The following GRIPAP1 variants were observed in gnomAD, a reference collection of about 807,000 sequenced individuals.
GRIPAP1 encodes GRIP1 associated protein 1.
GRIPAP1 carries 14 observed loss-of-function variants against 84.1 expected under a neutral mutation model. The ratio of observed to expected loss-of-function variants is 0.17; its 90% CI spans 0.11 to 0.26. The LOEUF is 0.26. Ranked by LOEUF, GRIPAP1 falls within the 10% of genes least tolerant of loss-of-function variation. The pLI is 1.00. For missense variants in GRIPAP1, 518 were observed against 674.2 expected, an observed-to-expected ratio of 0.77 and a Z score of 2.57; for synonymous variants, 261 against 256.8, an observed-to-expected ratio of 1.02 and a Z score of -0.15.
chrX:48,983,204 G>A, intron 16 of GRIPAP1, 24 bp downstream of exon 16: 3 of 1,183,384 alleles, frequency 2.5e-6, no homozygotes, highest in Non-Finnish European at 3.5e-6. Flanking sequence ...AGAGGAAGAA[G>A]GGCATCATCA....
At chrX:48,995,205 G>C (rs1270856984) in intron 5 of GRIPAP1, among the ~76,000 whole-genome samples, 1 of 112,041 alleles carries the variant, frequency 8.9e-6, no homozygotes, top group Non-Finnish European at 1.9e-5. Flanking sequence ...GAGGAGGAAG[G>C]GGACTATGTA....
At chrX:48,993,960 A>G (rs1190916750) in intron 5 of GRIPAP1, among the ~76,000 whole-genome samples, 1 of 110,880 alleles carries the variant, frequency 9.0e-6, no homozygotes, top group Non-Finnish European at 1.9e-5. Context: ...GGGCCCAGAG[A>G]TAGCTCCCTC....
chrX:48,976,467 G>A, intron 22 of GRIPAP1, 104 bp from the exon 23 acceptor site: 1 of 962,861 alleles, frequency 1.0e-6, no homozygotes, highest in South Asian at 2.5e-5. Flanking sequence ...GTGGGTGAGA[G>A]AACATGGGCC....
Position 48,984,791 on chromosome X carries a change from G to A in GRIPAP1, c.1176+477C>T, listed in dbSNP as rs781792101. On this transcript the variant is annotated intron_variant, in intron 14 of 25. Transcript: ENST00000376423. ...TAATACCAGCACTTCGGGAGGCCGAGGCGGGCAGATCACGAGGTCAGGAGA... is the reference window on the plus strand; with the variant it reads ...TAATACCAGCACTTCGGGAGGCCGAAGCGGGCAGATCACGAGGTCAGGAGA... Among the ~76,000 whole-genome samples, 35 of 105,448 alleles carry A rather than the reference G, an allele frequency of 3.3e-4. No homozygotes were observed. In the South Asian group the frequency reaches 6.4e-3, roughly 19 times the overall value. The allele number at this position is 105,448 out of a possible 115,157, so 91.6% of individuals were successfully genotyped here.
Position 48,994,520 on chromosome X carries a change from G to A in GRIPAP1, c.307-942C>T, listed in dbSNP as rs782033363. Among the ~76,000 whole-genome samples, 12 of 111,369 alleles carry A rather than the reference G, an allele frequency of 1.1e-4. No homozygotes were observed. In the East Asian group the frequency reaches 3.1e-3, roughly 29 times the overall value. ...ATTACAGGCATGAGCCACCGCACCC[G>A]GCCTGCTTGCAATATTTTCTACCCA... On this transcript the variant is annotated intron_variant, in intron 5 of 25. Transcript: ENST00000376423.
chrX:49,002,205 C>T lies in GRIPAP1; in HGVS notation c.25G>A (p.Glu9Lys). MAQALSEE[E>K]FQRMQAQLLE... ...AGCGGCACCTGCATCCGCTGAAACTCCTCCTCAGACAGAGCTTGCGCCATG... is the reference window on the plus strand; with the variant it reads ...AGCGGCACCTGCATCCGCTGAAACTTCTCCTCAGACAGAGCTTGCGCCATG... The change falls in exon 1 of 26, where the codon GAG (glutamate) becomes AAG (lysine). Residue 9 changes from glutamate to lysine, a missense_variant. Around this residue, in one of 5 missense-constraint regions of GRIPAP1, gnomAD observed 372 missense variants for 458.1 expected, o/e 0.81. Transcript: ENST00000376423. 5 of 1,177,048 alleles carry T rather than the reference C, an allele frequency of 4.2e-6. No individual in the cohort carries two copies. The highest frequency in any genetic ancestry group is 4.6e-6 in the Non-Finnish European group (4 of 868,029).
chrX:48,991,365 GA>G, intron 6 of GRIPAP1: 1 of 342,543 alleles, frequency 2.9e-6, no homozygotes, highest in Non-Finnish European at 5.1e-6. Context: ...CTGCAACCTT[GA>G]CCTCCTGGGC....
intron 5 of GRIPAP1, among the ~76,000 whole-genome samples, chrX:48,994,982 C>T (rs1486309011): frequency 8.9e-6 from 1 of 112,159 alleles, no homozygotes; most frequent in South Asian, 3.7e-4. Context: ...TATCATCTTT[C>T]TCCTCATCCC....
intron 11 of GRIPAP1, 150 bp downstream of exon 11, chrX:48,989,461 T>C (rs909305780): frequency 2.3e-5 from 10 of 438,971 alleles, no homozygotes; most frequent in African/African-American, 5.0e-5. Flanking sequence ...GCTCTCCAAT[T>C]CCCATTTTCC....
At chrX:48,985,150 G>A in intron 14 of GRIPAP1, 118 bp downstream of exon 14, 2 of 542,809 alleles carry the variant, frequency 3.7e-6, no homozygotes, top group Non-Finnish European at 6.0e-6. Flanking sequence ...ATAAGTTAGG[G>A]AGCCAGACTG....
chrX:48,999,899 A>C (rs981201729), intron 1 of GRIPAP1, among the ~76,000 whole-genome samples: 1 of 111,042 alleles, frequency 9.0e-6, no homozygotes, highest in Admixed American at 9.6e-5. Flanking sequence ...GGTGTTGTCC[A>C]TATTTCTGAC....
chrX:48,989,829 A>T lies in GRIPAP1; in HGVS notation c.770+6T>A. The T allele has an allele frequency of 1.7e-6, 2 of 1,206,464 alleles. No individual in the cohort carries two copies. Among genetic ancestry groups the T allele is most frequent in the Non-Finnish European group, 2.2e-6 (2 of 890,715 alleles). On this transcript the variant is annotated splice_donor_region_variant and intron_variant, in intron 10 of 25. Transcript: ENST00000376423. ...GTCCACCAATACCCGCAAATCTGGC[A>T]GTTACCTGCTGTCATTAAACAGAGT...
intron 25 of GRIPAP1, 77 bp from the exon 26 acceptor site, chrX:48,974,362 G>T: frequency 1.6e-6 from 1 of 606,908 alleles, no homozygotes; most frequent in Non-Finnish European, 2.8e-6. Flanking sequence ...TATCATCTGT[G>T]ATTTCCCTCA....
rs374710087 is a variant in GRIPAP1, at chrX:49,002,241, C to G, written c.-12G>C. The G allele has an allele frequency of 3.1e-5, 34 of 1,106,329 alleles. No individual in the cohort carries two copies. The highest frequency in any genetic ancestry group is 3.8e-5 in the Non-Finnish European group (31 of 810,747). The allele number at this position is 1,106,329 out of a possible 1,213,427, so 91.2% of individuals were successfully genotyped here. ...AGAGCTTGCGCCATGTTCCTCCCCC[C>G]ACCCCCCCGCCAGCTTTCTGCGCAG... On this transcript the variant is annotated 5_prime_UTR_variant, in exon 1 of 26. Coordinates refer to ENST00000376423, the MANE Select transcript of GRIPAP1 (RefSeq NM_020137.5).
chrX:48,979,194 G>C (rs1232199350), intron 21 of GRIPAP1, among the ~76,000 whole-genome samples: 1 of 110,147 alleles, frequency 9.1e-6, no homozygotes, highest in Admixed American at 9.7e-5. Context: ...GAGAAAAAAA[G>C]ATGCCGGGCG....
intron 6 of GRIPAP1, among the ~76,000 whole-genome samples, 172 bp downstream of exon 6, chrX:48,993,256 G>A (rs1401037743): frequency 8.8e-6 from 1 of 113,107 alleles, no homozygotes; most frequent in East Asian, 2.8e-4. Context: ...TACATGCACT[G>A]TGTAGATGAT....
At chrX:48,975,832 AAG>A (rs2064419160) in intron 24 of GRIPAP1, 184 bp downstream of exon 24, 1 of 436,647 alleles carries the variant, frequency 2.3e-6, no homozygotes. Context: ...ATGACAGAGA[AAG>A]AGAGAAGAGG....
rs1249391952 is a variant in GRIPAP1, at chrX:48,981,941, G to A, written c.1600-69C>T. On this transcript the variant is annotated intron_variant, in intron 17 of 25. Transcript: ENST00000376423. The stretch of plus-strand genomic sequence containing the variant: ...ATCATGCCCAGTTAGGGGTATGAGG[G>A]ACTGCAATGGGGGCCCAGAGGTATG... 4 of 742,971 alleles carry A rather than the reference G, an allele frequency of 5.4e-6. No individual in the cohort carries two copies. The African/African-American group carries it at 8.3e-5, about 15-fold the overall frequency. 61.2% of individuals were successfully genotyped at this position (742,971 alleles called of 1,213,427 possible). A position where few individuals can be genotyped will look rare whatever the true frequency, so the allele number is the denominator to read the frequency against.
At chrX:49,001,494 T>C in intron 1 of GRIPAP1, among the ~76,000 whole-genome samples, 1 of 110,237 alleles carries the variant, frequency 9.1e-6, no homozygotes. Context: ...TCCCTCCTTG[T>C]AGTCCAAGGT....
Sources: allele counts gnomAD v4.1 joint callset (sites outside exome capture counted in the v4.1 genomes callset), GRCh38; gene constraint gnomAD v4.1.1; regional missense constraint gnomAD v4.1.1; transcripts MANE v1.5; gene names NCBI Gene and HGNC (gene_info 2026-07-23, HGNC 2026-07-21).